CCDC171: variants seen among roughly 807,000 people sequenced by gnomAD.
The protein encoded by CCDC171 is coiled-coil domain containing 171, also known as coiled-coil domain-containing protein 171.
CCDC171 carries 177 observed loss-of-function variants against 168.2 expected under a neutral mutation model. The ratio of observed to expected loss-of-function variants is 1.05; its 90% confidence interval spans 0.93 to 1.19. The LOEUF (loss-of-function observed/expected upper bound fraction) is 1.19. Among genes scored for constraint, CCDC171 ranks in the 50% most tolerant of loss-of-function variants. The pLI is 0.00. For synonymous variants in CCDC171, 687 were observed against 540.8 expected, an observed-to-expected ratio of 1.27 and a Z score of -3.75; for missense variants, 1,991 against 1,539.0, an observed-to-expected ratio of 1.29 and a Z score of -4.91.
chr9:15,887,939 C>T (rs1172673667), intron 24 of CCDC171: 2 of 152,174 alleles, frequency 1.3e-5, no homozygotes, highest in East Asian at 1.9e-4. Context: ...CTTTGAGCCC[C>T]AGTGGTCAGG....
intron 25 of CCDC171, among the ~76,000 whole-genome samples, chr9:15,945,684 A>G (rs1223387366): frequency 1.3e-5 from 2 of 150,396 alleles, no homozygotes; most frequent in Non-Finnish European, 3.0e-5. Context: ...TCTTCTTTTG[A>G]GTAGTGTCTG....
chr9:15,899,486 C>T (rs557552041), intron 24 of CCDC171, among the ~76,000 whole-genome samples: 10 of 152,264 alleles, frequency 6.6e-5, no homozygotes, highest in South Asian at 2.1e-4. Context: ...TCTGCTTCCT[C>T]GCCAGCACTT....
rs576068654 is a variant in CCDC171, at chr9:15,663,311, C to G, written c.916-2852C>G. Among the ~76,000 whole-genome samples the G allele has an allele frequency of 2.6e-3, 397 of 152,166 alleles. 2 individuals are homozygous for G. Among genetic ancestry groups the G allele is most frequent in the African/African-American group, 9.2e-3 (380 of 41,502 alleles). Reference sequence around the variant, plus strand: ...CATTTTTTTTCTATCCCCACCCCGTCTTTAAACTATTTTCTAAAAAGAAAC... The same window carrying G: ...CATTTTTTTTCTATCCCCACCCCGTGTTTAAACTATTTTCTAAAAAGAAAC... On this transcript the variant is annotated intron_variant, in intron 8 of 25. Transcript: ENST00000380701.
intron 7 of CCDC171, 43 bp downstream of exon 7, chr9:15,623,456 T>G (rs754124223): frequency 1.1e-5 from 10 of 900,110 alleles, no homozygotes; most frequent in South Asian, 6.5e-5. Context: ...CGTACAAACT[T>G]TCACATATGC....
intron 10 of CCDC171, among the ~76,000 whole-genome samples, chr9:15,694,381 T>C (rs2051053252): frequency 6.6e-6 from 1 of 152,232 alleles, no homozygotes; most frequent in South Asian, 2.1e-4. Context: ...TATATTTATT[T>C]GGGACCTGTT....
At chr9:15,620,731 A>G (rs1407565618) in intron 6 of CCDC171, among the ~76,000 whole-genome samples, 1 of 152,232 alleles carries the variant, frequency 6.6e-6, no homozygotes, top group East Asian at 1.9e-4. Flanking sequence ...ATCAAGCAGC[A>G]TTGCATGCTA....
intron 7 of CCDC171, among the ~76,000 whole-genome samples, chr9:15,635,933 G>C (rs1456435355): frequency 6.6e-6 from 1 of 152,064 alleles, no homozygotes; most frequent in Non-Finnish European, 1.5e-5. Context: ...AGTTTCTCTA[G>C]ATCCTCACCA....
At chr9:15,650,551 A>T (rs923363551) in intron 7 of CCDC171, among the ~76,000 whole-genome samples, 1 of 152,134 alleles carries the variant, frequency 6.6e-6, no homozygotes, top group East Asian at 1.9e-4. Context: ...CAAATGTCTA[A>T]GTCCTGTACT....
rs535416229 is a variant in CCDC171, at chr9:15,808,797, C to T, written c.3267+24103C>T. Among the ~76,000 whole-genome samples, 17 of 152,216 alleles carry T rather than the reference C, an allele frequency of 1.1e-4. No homozygotes were observed. In the South Asian group the frequency reaches 2.3e-3, roughly 20 times the overall value. On this transcript the variant is annotated intron_variant, in intron 21 of 25. Transcript: ENST00000380701. ...GTCACCCAGAATGATAGGATGTTGC[C>T]TTAGTCTATTTGGGCTGCTGTACCA...
the CCDC171 span, among the ~76,000 whole-genome samples, chr9:16,095,523 TCACA>T: frequency 5.3e-5 from 8 of 152,004 alleles, no homozygotes; most frequent in South Asian, 2.1e-4. Context: ...CTCTTCTCTC[TCACA>T]CACACGCTCT....
At chr9:15,719,435 A>AGC (rs2053318466) in intron 11 of CCDC171, among the ~76,000 whole-genome samples, 2 of 142,902 alleles carry the variant, frequency 1.4e-5, no homozygotes, top group Admixed American at 1.5e-4. Flanking sequence ...AGAGAGAGAG[A>AGC]GAGAGAGAGA....
chr9:16,095,867 C>CATATATAT, the CCDC171 span, among the ~76,000 whole-genome samples: 1,413 of 52,652 alleles, frequency 0.027, 17 homozygotes, highest in African/African-American at 0.049. Flanking sequence ...CACACATAGG[C>CATATATAT]ACATATATAT....
chr9:15,741,171 T>A lies in CCDC171; in HGVS notation c.2050-3102T>A, dbSNP rs148029518. The stretch of plus-strand genomic sequence containing the variant: ...ATTTACCATTTTGATCCTTTTAAAG[T>A]ATACAGTTCAGTGGCATTAAGTGTG... On this transcript the variant is annotated intron_variant, in intron 16 of 25. Coordinates refer to ENST00000380701, the MANE Select transcript of CCDC171 (RefSeq NM_173550.4). Among the ~76,000 whole-genome samples, 690 of 152,340 alleles carry A rather than the reference T, an allele frequency of 4.5e-3. 7 individuals are homozygous for A. The highest frequency in any genetic ancestry group is 7.5e-3 in the Non-Finnish European group (508 of 68,034).
chr9:16,070,512 C>G, the CCDC171 span, among the ~76,000 whole-genome samples: 1 of 152,154 alleles, frequency 6.6e-6, no homozygotes, highest in Non-Finnish European at 1.5e-5. Flanking sequence ...AACAGTGGCT[C>G]TGGCTTGGTT....
intron 21 of CCDC171, among the ~76,000 whole-genome samples, chr9:15,811,404 G>T (rs1447712529): frequency 6.6e-6 from 1 of 152,006 alleles, no homozygotes; most frequent in East Asian, 1.9e-4. Flanking sequence ...TAAAGGCTTG[G>T]GTTTTTTTTC....
At chr9:16,081,127 A>T in the CCDC171 span, among the ~76,000 whole-genome samples, 5,921 of 152,242 alleles carry the variant, frequency 0.039, 373 homozygotes, top group African/African-American at 0.13. Context: ...CAGAGCCAAC[A>T]TTCTTCTCAT....
intron 23 of CCDC171, among the ~76,000 whole-genome samples, chr9:15,868,935 G>A (rs2061908786): frequency 6.6e-6 from 1 of 151,918 alleles, no homozygotes; most frequent in Admixed American, 6.6e-5. Context: ...ATATAAAATG[G>A]TGTAGTATTT....
chr9:15,804,030 T>G (rs1459411076), intron 21 of CCDC171, among the ~76,000 whole-genome samples: 1 of 152,172 alleles, frequency 6.6e-6, no homozygotes, highest in African/African-American at 2.4e-5. Context: ...TTTGGCTCTC[T>G]ACTTGCCTGT....
intron 21 of CCDC171, among the ~76,000 whole-genome samples, chr9:15,834,278 C>T (rs943071440): frequency 1.1e-4 from 17 of 152,076 alleles, no homozygotes; most frequent in African/African-American, 4.1e-4. Context: ...TTAAATGTCT[C>T]AGTCTTTGGA....
Sources: allele counts gnomAD v4.1 joint callset (sites outside exome capture counted in the v4.1 genomes callset), GRCh38; gene constraint gnomAD v4.1.1; transcripts MANE v1.5; gene names NCBI Gene and HGNC (gene_info 2026-07-23, HGNC 2026-07-21).